Variants in PCDHGB1 observed in about 807,000 individuals in gnomAD.
PCDHGB1 encodes protocadherin gamma-B1.
Under a neutral mutation model 56.6 loss-of-function variants are expected in PCDHGB1, and 34 were observed. That is an observed-to-expected ratio of 0.60 (90% CI 0.46 to 0.80). The LOEUF (loss-of-function observed/expected upper bound fraction) is 0.80. PCDHGB1 is among the 30% of genes least tolerant of loss of function. The pLI, the probability that PCDHGB1 is intolerant of heterozygous loss-of-function variation, is 0.00. For missense variants in PCDHGB1, 1,278 were observed against 1,204.6 expected (o/e 1.06, Z -0.90); for synonymous variants, 561 against 505.9 (o/e 1.11, Z -1.46).
chr5:141,393,303 G>A (rs1305361582), intron 1 of PCDHGB1: 5 of 1,613,646 alleles, frequency 3.1e-6, no homozygotes, highest in Non-Finnish European at 3.4e-6. Context: ...GGATGTGGGC[G>A]TGAACTCCCT....
At chr5:141,408,884 A>G (rs755835568) in intron 1 of PCDHGB1, 2 of 1,613,384 alleles carry the variant, frequency 1.2e-6, no homozygotes, top group Non-Finnish European at 1.7e-6. Context: ...CACCGCTCAC[A>G]TAGAAATTTC....
At position 141,352,945 on chromosome 5, in the gene PCDHGB1, G is replaced by A. The variant is rs537480440; in HGVS notation, c.2409+276G>A. ...GGAGATTGTAGTGAGCCAAGAGTGT[G>A]CCACTGCACTCCAGCCTGGGTGATG... On this transcript the variant is annotated intron_variant, in intron 1 of 3. Coordinates refer to ENST00000523390, the MANE Select transcript of PCDHGB1 (RefSeq NM_018922.3). Among the ~76,000 whole-genome samples the A allele has an allele frequency of 1.8e-4, 27 of 152,312 alleles. No individual in the cohort carries two copies. In the Middle Eastern group the frequency reaches 0.014, roughly 77 times the overall value.
At chr5:141,417,213 G>A (rs1470553702) in intron 1 of PCDHGB1, 2 of 152,108 alleles carry the variant, frequency 1.3e-5, no homozygotes, top group African/African-American at 4.8e-5. Context: ...GGCTAGAATT[G>A]AAGACAAAAA....
Position 141,352,204 on chromosome 5 carries a change from G to C in PCDHGB1, c.1944G>C (p.Pro648=). 6.2e-7 allele frequency: 1 copy of C among 1,614,036 alleles called. No homozygotes were observed. Among genetic ancestry groups the C allele is most frequent in the Non-Finnish European group, 8.5e-7 (1 of 1,179,910 alleles). The change falls in exon 1 of 4, where the codon CCG becomes CCC. Residue 648 remains proline, a synonymous_variant. Transcript: ENST00000523390. Reference sequence around the variant, plus strand: ...TCGCTGTGCGTGATGGAGGACAGCCGCCACTCTCCGCCACCGCCACGCTGC... The same window carrying C: ...TCGCTGTGCGTGATGGAGGACAGCCCCCACTCTCCGCCACCGCCACGCTGC... The part of the protein sequence containing the change: ...LLVAVRDGGQ[P]PLSATATLHL...
In PCDHGB1 at chr5:141,510,992, T is replaced by C. The variant is rs879030278; in HGVS notation, c.2603T>C (p.Met868Thr). The change falls in exon 4 of 4, where the codon ATG (methionine) becomes ACG (threonine). Residue 868 changes from methionine to threonine, a missense_variant. By Grantham distance (81) the Met-to-Thr change is moderately conservative. Coordinates refer to ENST00000523390, the MANE Select transcript of PCDHGB1 (RefSeq NM_018922.3). ...SSTLGGGAGT[M>T]GLSARYGPQF... is the part of the protein sequence containing the mutation. ...ACCCTGGGAGGGGGTGCCGGCACCA[T>C]GGGATTGAGCGCCCGCTACGGACCC... The C allele has an allele frequency of 1.9e-6, 3 of 1,614,164 alleles. No individual in the cohort carries two copies. The highest frequency in any genetic ancestry group is 2.5e-6 in the Non-Finnish European group (3 of 1,180,006).
chr5:141,399,780 A>G (rs1444494014), intron 1 of PCDHGB1: 1 of 1,613,288 alleles, frequency 6.2e-7, no homozygotes, highest in Non-Finnish European at 8.5e-7. Flanking sequence ...TGGGCGACCG[A>G]AACGACAACG....
chr5:141,394,864 C>T, intron 1 of PCDHGB1: 4 of 1,613,780 alleles, frequency 2.5e-6, no homozygotes, highest in Non-Finnish European at 3.4e-6. Context: ...TCGGTCGACC[C>T]GAACGATTCG....
rs1001719735 is a variant in PCDHGB1 at position 141,512,055 on chromosome 5, TGAC to T, written c.*883_*885del. 10 of 152,698 alleles carry T rather than the reference TGAC, an allele frequency of 6.5e-5. No homozygotes were observed. The highest frequency in any genetic ancestry group is 1.4e-4 in the African/African-American group (6 of 41,450). 9.5% of individuals were successfully genotyped at this position (152,698 alleles called of 1,614,324 possible). On this transcript the variant is annotated 3_prime_UTR_variant, in exon 4 of 4. Coordinates refer to ENST00000523390, the MANE Select transcript of PCDHGB1 (RefSeq NM_018922.3). ...GAGGCTCTGTATGTCCTCAGGGGACTGACAACATCCTCCAGATTCCAGCCATAA... is the reference window on the plus strand; with the variant it reads ...GAGGCTCTGTATGTCCTCAGGGGACTAACATCCTCCAGATTCCAGCCATAA...
At chr5:141,395,207 T>C (rs1589256269) in intron 1 of PCDHGB1, 6 of 1,613,702 alleles carry the variant, frequency 3.7e-6, no homozygotes, top group Non-Finnish European at 5.1e-6. Context: ...TAGATTTTCA[T>C]GAATATAAGA....
chr5:141,376,522 G>A (rs767035645), intron 1 of PCDHGB1: 18 of 1,613,784 alleles, frequency 1.1e-5, no homozygotes, highest in Non-Finnish European at 1.5e-5. Flanking sequence ...GTTTCTTTCC[G>A]CCTAAGCGGG....
At chr5:141,483,329 A>C (rs1463046335) in intron 1 of PCDHGB1, among the ~76,000 whole-genome samples, 3 of 152,182 alleles carry the variant, frequency 2.0e-5, no homozygotes, top group Non-Finnish European at 2.9e-5. Flanking sequence ...GGAGGCAAAG[A>C]GATCTTATCT....
intron 1 of PCDHGB1, chr5:141,383,037 A>G: frequency 6.2e-7 from 1 of 1,613,816 alleles, no homozygotes; most frequent in Non-Finnish European, 8.5e-7. Context: ...CCTTTGTGGG[A>G]GACATCGCCA....
chr5:141,458,018 A>G (rs1361716104), intron 1 of PCDHGB1, among the ~76,000 whole-genome samples: 1 of 152,188 alleles, frequency 6.6e-6, no homozygotes, highest in Admixed American at 6.5e-5. Flanking sequence ...GGTTTTTCCA[A>G]TTGTGTTCTG....
chr5:141,385,276 A>G (rs1315773619), intron 1 of PCDHGB1: 1 of 1,613,564 alleles, frequency 6.2e-7, no homozygotes, highest in Admixed American at 1.7e-5. Flanking sequence ...TTCTTTGCTA[A>G]CATCCGTAGA....
At chr5:141,441,763 G>A in intron 1 of PCDHGB1, 1 of 384,020 alleles carries the variant, frequency 2.6e-6, no homozygotes, top group Non-Finnish European at 5.2e-6. Flanking sequence ...GTGAGCCTGC[G>A]CGTGTTGGTG....
At chr5:141,470,132 A>G (rs1411735203) in intron 1 of PCDHGB1, among the ~76,000 whole-genome samples, 1 of 151,586 alleles carries the variant, frequency 6.6e-6, no homozygotes, top group East Asian at 1.9e-4. Context: ...TCGTCTCAAA[A>G]AAAAAGATCA....
chr5:141,397,602 G>T (rs2150712888), intron 1 of PCDHGB1, among the ~76,000 whole-genome samples: 1 of 152,296 alleles, frequency 6.6e-6, no homozygotes, highest in African/African-American at 2.4e-5. Flanking sequence ...TATTGCCAGT[G>T]ACAAGGGCAA....
intron 1 of PCDHGB1, chr5:141,398,164 AG>A (rs970849138): frequency 6.8e-7 from 1 of 1,481,390 alleles, no homozygotes; most frequent in African/African-American, 1.4e-5. Context: ...CCGGGCTGAG[AG>A]GCTGCCAGTG....
At chr5:141,406,448 A>G (rs149183502) in intron 1 of PCDHGB1, among the ~76,000 whole-genome samples, 1 of 152,348 alleles carries the variant, frequency 6.6e-6, no homozygotes, top group African/African-American at 2.4e-5. Context: ...TTCCATTTCT[A>G]TGACAGGAAA....
Sources: allele counts gnomAD v4.1 joint callset (sites outside exome capture counted in the v4.1 genomes callset), GRCh38; gene constraint gnomAD v4.1.1; transcripts MANE v1.5; gene names NCBI Gene and HGNC (gene_info 2026-07-23, HGNC 2026-07-21).